ATG16L1: variants seen among roughly 807,000 people sequenced by gnomAD.
ATG16L1 encodes the protein autophagy-related protein 16-1.
A neutral mutation model predicts 88.5 loss-of-function variants in ATG16L1; 37 were observed. That is an observed-to-expected ratio of 0.42 (90% CI 0.32 to 0.55). The LOEUF is 0.55. ATG16L1 is among the 20% of genes least tolerant of loss of function. The pLI is 0.13. For missense variants in ATG16L1, 554 were observed against 752.8 expected (o/e 0.74, Z 3.09); for synonymous variants, 301 against 281.0 (o/e 1.07, Z -0.71).
chr2:233,276,371 C>T (rs1336874738), intron 9 of ATG16L1, among the ~76,000 whole-genome samples: 1 of 152,116 alleles, frequency 6.6e-6, no homozygotes, highest in Non-Finnish European at 1.5e-5. Flanking sequence ...CACACTTATG[C>T]TGGAGCAATT....
In ATG16L1 at chr2:233,282,663, C is replaced by T. The variant is rs75628963; in HGVS notation, c.1132-19C>T. 0.01 allele frequency: 16,553 copies of T among 1,612,782 alleles called. 125 individuals carry two copies. Among genetic ancestry groups the T allele is most frequent in the Admixed American group, 0.026 (1,572 of 59,928 alleles). The stretch of plus-strand genomic sequence containing the variant: ...CTGATTTGGCTAAAAATTGGTTTTC[C>T]TCTTCTTTATTCCCACAGGGATCTT... On this transcript the variant is annotated intron_variant, in intron 11 of 17. Coordinates refer to ENST00000392017, the MANE Select transcript of ATG16L1 (RefSeq NM_030803.7).
chr2:233,265,776 A>AT (rs925141519), intron 5 of ATG16L1, among the ~76,000 whole-genome samples: 25 of 152,140 alleles, frequency 1.6e-4, no homozygotes, highest in African/African-American at 4.8e-4. Context: ...CCATTGATAG[A>AT]TTTTTTAAGA....
intron 5 of ATG16L1, among the ~76,000 whole-genome samples, chr2:233,268,527 C>T (rs1309710357): frequency 6.6e-6 from 1 of 152,160 alleles, no homozygotes; most frequent in Non-Finnish European, 1.5e-5. Flanking sequence ...TTTCCTCTCC[C>T]TGTGACCCTA....
chr2:233,285,262 C>CT (rs10708559), intron 12 of ATG16L1, among the ~76,000 whole-genome samples: 4 of 152,140 alleles, frequency 2.6e-5, no homozygotes, highest in East Asian at 1.9e-4. Flanking sequence ...GGCCTACAGC[C>CT]TTTTTTTTAT....
At chr2:233,289,733 T>A in intron 12 of ATG16L1, 121 bp from the exon 13 acceptor site, 2 of 1,345,824 alleles carry the variant, frequency 1.5e-6, no homozygotes, top group Non-Finnish European at 2.1e-6. Flanking sequence ...TGAGTGTTCC[T>A]GGCCGGATCT....
chr2:233,274,201 A>C, intron 8 of ATG16L1: 1 of 714,740 alleles, frequency 1.4e-6, no homozygotes, highest in Non-Finnish European at 2.3e-6. Flanking sequence ...CAGGGCTGCC[A>C]GGTTGAACAC....
chr2:233,282,773 G>T lies in ATG16L1; in HGVS notation c.1203+20G>T. On this transcript the variant is annotated intron_variant, in intron 12 of 17. Transcript: ENST00000392017. ...TTACGGGTAAGACCCAGTTAAGAAA[G>T]TTAGTGCAATCTCCAAACTTCATGT... is the stretch of plus-strand genomic sequence containing the variant. 1 of 1,610,040 alleles carries T rather than the reference G, an allele frequency of 6.2e-7. No individual in the cohort carries two copies. The highest frequency in any genetic ancestry group is 8.5e-7 in the Non-Finnish European group (1 of 1,176,396).
At position 233,292,398 on chromosome 2, in the gene ATG16L1, T is replaced by A. The variant is rs1003986415; in HGVS notation, c.1592T>A (p.Phe531Tyr). Reference sequence around the variant, plus strand: ...GTTGTTTGTTTCAGTGCACCTGGGTTCAAGTGCGGCTCTGACTGGACCAGA... The same window carrying A: ...GTTGTTTGTTTCAGTGCACCTGGGTACAAGTGCGGCTCTGACTGGACCAGA... ...AIKQTFSAPG[F>Y]KCGSDWTRVV... Residue 531 changes from phenylalanine to tyrosine, a missense_variant, in exon 16 of 18, where the codon TTC becomes TAC. Physicochemically the swap from Phe to Tyr is conservative, Grantham distance 22. This residue lies in a region of ATG16L1 where 370 missense variants were observed against 509.7 expected (regional missense o/e 0.73). Coordinates refer to ENST00000392017, the MANE Select transcript of ATG16L1 (RefSeq NM_030803.7). 1 of 1,613,380 alleles carries A rather than the reference T, an allele frequency of 6.2e-7. No homozygotes were observed. Among genetic ancestry groups the A allele is most frequent in the Non-Finnish European group, 8.5e-7 (1 of 1,180,000 alleles).
chr2:233,259,836 A>G (rs758363190), intron 2 of ATG16L1, among the ~76,000 whole-genome samples: 1 of 152,110 alleles, frequency 6.6e-6, no homozygotes, highest in Non-Finnish European at 1.5e-5. Context: ...AGCCTCTTGC[A>G]TCCTTTGGTT....
At chr2:233,268,138 G>C (rs2125235421) in intron 5 of ATG16L1, among the ~76,000 whole-genome samples, 1 of 152,296 alleles carries the variant, frequency 6.6e-6, no homozygotes, top group South Asian at 2.1e-4. Flanking sequence ...TGTCCCTGTG[G>C]TCAGGCACAG....
chr2:233,277,493 C>A, intron 9 of ATG16L1, 75 bp from the exon 10 acceptor site: 1 of 1,344,958 alleles, frequency 7.4e-7, no homozygotes, highest in Non-Finnish European at 1.1e-6. Context: ...ATGAATTAGG[C>A]ATTTGGAGTG....
intron 12 of ATG16L1, among the ~76,000 whole-genome samples, chr2:233,285,534 C>A (rs1220800583): frequency 6.6e-6 from 1 of 152,220 alleles, no homozygotes; most frequent in African/African-American, 2.4e-5. Context: ...TGATGCCGTG[C>A]TGGGGCAGGA....
At chr2:233,268,221 C>T (rs959851284) in intron 5 of ATG16L1, among the ~76,000 whole-genome samples, 9 of 152,112 alleles carry the variant, frequency 5.9e-5, no homozygotes, top group Admixed American at 2.0e-4. Context: ...TTTGGGAGGC[C>T]AAGGCAGGTG....
rs148928374 is a variant in ATG16L1, at chr2:233,272,241, G to A, written c.708-725G>A. On this transcript the variant is annotated intron_variant, in intron 6 of 17. Transcript: ENST00000392017. ...GTGGCCCAGAAAAATGAGGAAGGGG[G>A]ATTCCAGAGGTACTTTGCATCCGCT... 1.8e-3 allele frequency among the ~76,000 whole-genome samples: 275 copies of A among 152,274 alleles called. 3 individuals are homozygous for A. Among genetic ancestry groups the A allele is most frequent in the African/African-American group, 6.3e-3 (263 of 41,562 alleles).
chr2:233,277,383 T>C, intron 9 of ATG16L1, 185 bp from the exon 10 acceptor site: 2 of 543,134 alleles, frequency 3.7e-6, no homozygotes, highest in South Asian at 2.1e-5. Context: ...CAACTGTAAC[T>C]AGAAGAATAA....
intron 14 of ATG16L1, 120 bp downstream of exon 14, chr2:233,290,473 G>A (rs1029896981): frequency 3.9e-6 from 3 of 778,578 alleles, no homozygotes; most frequent in Admixed American, 2.1e-5. Flanking sequence ...TACACGTATA[G>A]TGTTAGCTTA....
At chr2:233,252,935 A>G (rs1696484165) in intron 1 of ATG16L1, among the ~76,000 whole-genome samples, 1 of 152,186 alleles carries the variant, frequency 6.6e-6, no homozygotes, top group African/African-American at 2.4e-5. Flanking sequence ...GCTACCTTAT[A>G]TTGCATTCTG....
chr2:233,274,590 GGT>G (rs1698215503), intron 8 of ATG16L1, 84 bp from the exon 9 acceptor site: 2 of 977,630 alleles, frequency 2.0e-6, no homozygotes, highest in African/African-American at 3.2e-5. Flanking sequence ...GCTTAAGCAA[GGT>G]CGTCTTGGAG....
Position 233,294,416 on chromosome 2 carries a change from C to G in ATG16L1, c.*66C>G. The G allele has an allele frequency of 7.5e-7, 1 of 1,329,620 alleles. No individual in the cohort carries two copies. Among genetic ancestry groups the G allele is most frequent in the Non-Finnish European group, 1.1e-6 (1 of 937,918 alleles). 82.4% of individuals were successfully genotyped at this position (1,329,620 alleles called of 1,614,324 possible). ...GAAGAAGCACATGGGCTCCTGCAGC[C>G]CTGTCCTGGCAGGTGATGTGCTGGG... On this transcript the variant is annotated 3_prime_UTR_variant, in exon 18 of 18. Transcript: ENST00000392017.
Sources: gnomAD v4.1 joint callset for allele counts (sites outside exome capture counted in the v4.1 genomes callset) on GRCh38, gnomAD v4.1.1 for gene constraint, gnomAD v4.1.1 regional missense constraint, MANE v1.5 for transcripts, NCBI Gene and HGNC (gene_info 2026-07-23, HGNC 2026-07-21) for gene names.